Variants in ARHGAP22 observed in about 807,000 individuals in gnomAD.
The protein encoded by ARHGAP22 is rho GTPase-activating protein 22.
A neutral mutation model predicts 59.1 loss-of-function variants in ARHGAP22; 48 were observed. The ratio of observed to expected loss-of-function variants is 0.81; its 90% CI spans 0.64 to 1.03. ARHGAP22 has a LOEUF of 1.03. ARHGAP22 is among the 50% of genes least tolerant of loss of function. ARHGAP22 has a pLI of 0.00. For missense variants in ARHGAP22, 1,015 were observed against 958.7 expected (o/e 1.06, Z -0.78); for synonymous variants, 445 against 416.4 (o/e 1.07, Z -0.84).
chr10:48,596,871 C>T (rs1368292817), intron 1 of ARHGAP22, among the ~76,000 whole-genome samples: 2 of 152,002 alleles, frequency 1.3e-5, no homozygotes, highest in Admixed American at 6.5e-5. Flanking sequence ...TGAGCTGGTG[C>T]CCAGCTTCCT....
At chr10:48,483,468 T>C (rs1743083045) in intron 3 of ARHGAP22, among the ~76,000 whole-genome samples, 1 of 152,238 alleles carries the variant, frequency 6.6e-6, no homozygotes, top group South Asian at 2.1e-4. Flanking sequence ...TTTTAGGTTT[T>C]TTGAGAAATC....
intron 2 of ARHGAP22, among the ~76,000 whole-genome samples, chr10:48,557,674 C>T (rs1447869071): frequency 6.6e-6 from 1 of 152,214 alleles, no homozygotes; most frequent in South Asian, 2.1e-4. Flanking sequence ...ACTTTGTTTG[C>T]AAGAAGCCAC....
At chr10:48,606,398 G>A (rs532433859), upstream of ARHGAP22, among the ~76,000 whole-genome samples, 15 of 152,230 alleles carry the variant, frequency 9.9e-5, no homozygotes, top group East Asian at 1.4e-3. Context: ...GGTGGGAGAA[G>A]GTAGAGTCCA....
chr10:48,596,027 ATT>A (rs5784769), intron 1 of ARHGAP22, among the ~76,000 whole-genome samples: 1 of 151,836 alleles, frequency 6.6e-6, no homozygotes, highest in Admixed American at 6.6e-5. Flanking sequence ...GAGAGTTTGG[ATT>A]TTTTTTTCAT....
downstream of ARHGAP22, among the ~76,000 whole-genome samples, chr10:48,442,267 G>A (rs2045220643): frequency 6.6e-6 from 1 of 152,208 alleles, no homozygotes; most frequent in Non-Finnish European, 1.5e-5. Flanking sequence ...ATGTCACCTG[G>A]CAGTGTTGCT....
chr10:48,547,774 C>T (rs1002757397), intron 3 of ARHGAP22, among the ~76,000 whole-genome samples: 27 of 152,230 alleles, frequency 1.8e-4, no homozygotes, highest in African/African-American at 5.8e-4. Flanking sequence ...GGGGGGCCAT[C>T]GGCTCGGTGC....
At chr10:48,544,500 C>T (rs2056257467) in intron 3 of ARHGAP22, among the ~76,000 whole-genome samples, 1 of 152,168 alleles carries the variant, frequency 6.6e-6, no homozygotes, top group African/African-American at 2.4e-5. Context: ...AATACGGTGC[C>T]ACCACACATG....
the ARHGAP22 span, chr10:48,431,329 A>G: frequency 1.0e-4 from 114 of 1,132,186 alleles, no homozygotes; most frequent in Non-Finnish European, 1.3e-4. Flanking sequence ...TGTAATCTTC[A>G]GTGGCCTGAA....
chr10:48,484,150 G>T (rs1170238758), intron 3 of ARHGAP22, among the ~76,000 whole-genome samples: 9 of 152,200 alleles, frequency 5.9e-5, no homozygotes, highest in Non-Finnish European at 1.2e-4. Context: ...CCTTTCCCCA[G>T]TGTATGTTCT....
At chr10:48,589,013 T>C (rs1233946121) in intron 1 of ARHGAP22, among the ~76,000 whole-genome samples, 1 of 152,156 alleles carries the variant, frequency 6.6e-6, no homozygotes, top group Non-Finnish European at 1.5e-5. Flanking sequence ...TGCAATCTTT[T>C]GGCTCACATG....
chr10:48,479,943 T>A (rs1342662793), intron 3 of ARHGAP22, among the ~76,000 whole-genome samples, 179 bp from the exon 4 acceptor site: 2 of 152,200 alleles, frequency 1.3e-5, no homozygotes, highest in African/African-American at 4.8e-5. Context: ...TTCTTTGGAG[T>A]CTTTTCCCAT....
intron 1 of ARHGAP22, among the ~76,000 whole-genome samples, chr10:48,591,693 G>A (rs916671165): frequency 2.0e-5 from 3 of 152,074 alleles, no homozygotes; most frequent in Non-Finnish European, 2.9e-5. Context: ...GGGCAACATG[G>A]CGAAACCTCA....
chr10:48,491,643 G>C (rs1224728108), intron 3 of ARHGAP22, among the ~76,000 whole-genome samples: 1 of 152,284 alleles, frequency 6.6e-6, no homozygotes, highest in Admixed American at 6.5e-5. Context: ...TAGGAGGTTA[G>C]TGAGGGCGGC....
intron 3 of ARHGAP22, among the ~76,000 whole-genome samples, chr10:48,503,133 T>A (rs2051709184): frequency 6.6e-6 from 1 of 152,176 alleles, no homozygotes; most frequent in African/African-American, 2.4e-5. Context: ...CCAAGGAACG[T>A]GGTGCCATCA....
chr10:48,575,070 G>A (rs1186397168), intron 2 of ARHGAP22: 2 of 152,176 alleles, frequency 1.3e-5, no homozygotes, highest in Non-Finnish European at 2.9e-5. Context: ...CACGAAATCT[G>A]GTGGTTTAAA....
chr10:48,527,465 A>G (rs1297537539), intron 3 of ARHGAP22, among the ~76,000 whole-genome samples: 1 of 127,326 alleles, frequency 7.9e-6, no homozygotes, highest in African/African-American at 2.6e-5. Flanking sequence ...AGGTGAATAG[A>G]TGGATGGATG....
chr10:48,636,240 A>C (rs1417218312), intron 1 of ARHGAP22, among the ~76,000 whole-genome samples: 1 of 152,172 alleles, frequency 6.6e-6, no homozygotes, highest in Non-Finnish European at 1.5e-5. Context: ...GCTGTCGATA[A>C]AGGCATGTTA....
intron 3 of ARHGAP22, among the ~76,000 whole-genome samples, chr10:48,481,186 G>C (rs2049281511): frequency 1.3e-5 from 2 of 152,234 alleles, no homozygotes; most frequent in Non-Finnish European, 2.9e-5. Flanking sequence ...AACCCCAGAG[G>C]CTGCTCGGTT....
At chr10:48,578,162 T>C (rs1023275157) in intron 2 of ARHGAP22, among the ~76,000 whole-genome samples, 1 of 152,076 alleles carries the variant, frequency 6.6e-6, no homozygotes, top group Non-Finnish European at 1.5e-5. Flanking sequence ...CCTGAGCTCC[T>C]TTTTTGCCCT....
Sources: gnomAD v4.1 joint callset for allele counts (sites outside exome capture counted in the v4.1 genomes callset) on GRCh38, gnomAD v4.1.1 for gene constraint, MANE v1.5 for transcripts, NCBI Gene and HGNC (gene_info 2026-07-23, HGNC 2026-07-21) for gene names.